HELZ: variants seen among roughly 807,000 people sequenced by gnomAD.
HELZ encodes the protein helicase with zinc finger, also known as ATP-dependent RNA helicase with zinc finger domain.
Under a neutral mutation model 218.2 loss-of-function variants are expected in HELZ, and 23 were observed. The observed-to-expected ratio is 0.11, with a 90% CI of 0.08 to 0.15. HELZ has a LOEUF of 0.15. HELZ is among the 10% of genes least tolerant of loss of function. The pLI is 1.00. For synonymous variants in HELZ, 814 were observed against 829.4 expected (o/e 0.98, Z 0.32); for missense variants, 1,813 against 2,353.7 (o/e 0.77, Z 4.75).
chr17:67,122,938 T>A (rs201529545), intron 26 of HELZ, 32 bp downstream of exon 26: 70 of 1,480,232 alleles, frequency 4.7e-5, no homozygotes, highest in Non-Finnish European at 6.4e-5. Context: ...TTTTACTTGA[T>A]TCAATAGAAA....
At chr17:67,244,028 A>T in intron 1 of HELZ, 189 bp from the exon 2 acceptor site, 1 of 974,546 alleles carries the variant, frequency 1.0e-6, no homozygotes, top group South Asian at 4.7e-5. Context: ...CAGTAAGGTA[A>T]AAGAATAGAT....
chr17:67,153,949 A>G (rs1267808130), intron 17 of HELZ, among the ~76,000 whole-genome samples: 4 of 152,266 alleles, frequency 2.6e-5, no homozygotes, highest in Non-Finnish European at 5.9e-5. Context: ...CTTAATTGGC[A>G]TGCCTTCAGT....
chr17:67,216,154 T>C (rs2040594607), intron 4 of HELZ, among the ~76,000 whole-genome samples: 1 of 152,152 alleles, frequency 6.6e-6, no homozygotes, highest in Non-Finnish European at 1.5e-5. Flanking sequence ...CCCCCACTCC[T>C]ACTTCTCACC....
intron 5 of HELZ, among the ~76,000 whole-genome samples, chr17:67,212,192 G>A (rs2040470093): frequency 3.3e-5 from 5 of 151,692 alleles, no homozygotes; most frequent in Admixed American, 1.3e-4. Flanking sequence ...ATGATGGCAG[G>A]TGCCTGCAAT....
At chr17:67,244,176 C>G (rs1273599227) in intron 1 of HELZ, among the ~76,000 whole-genome samples, 1 of 152,084 alleles carries the variant, frequency 6.6e-6, no homozygotes, top group Non-Finnish European at 1.5e-5. Context: ...AAATTAAGAA[C>G]AAACTAGGCA....
chr17:67,203,437 C>T lies in HELZ; in HGVS notation c.254G>A (p.Gly85Glu), dbSNP rs2143125455. ...QADEDCRHVLGEGLAKGEDAF... is the reference protein window; with the variant it reads ...QADEDCRHVLEEGLAKGEDAF... Reference sequence around the variant, plus strand: ...ATCTTCTCCCTTGGCCAGTCCTTCTCCCAGCACTGCCATGAAAGAACAGCC... The same window carrying T: ...ATCTTCTCCCTTGGCCAGTCCTTCTTCCAGCACTGCCATGAAAGAACAGCC... Residue 85 changes from glycine to glutamate, a missense_variant, in exon 6 of 33, where the codon GGA becomes GAA. Gly to Glu is a moderately conservative substitution (Grantham distance 98). Around this residue, in one of 4 missense-constraint regions of HELZ, gnomAD observed 714 missense variants for 1,029.2 expected, o/e 0.69. Transcript: ENST00000358691. 2 of 1,613,234 alleles carry T rather than the reference C, an allele frequency of 1.2e-6. No homozygotes were observed. Among genetic ancestry groups the T allele is most frequent in the East Asian group, 2.2e-5 (1 of 44,874 alleles).
At chr17:67,160,390 A>G (rs1195602668) in intron 16 of HELZ, 28 bp from the exon 17 acceptor site, 11 of 1,483,878 alleles carry the variant, frequency 7.4e-6, no homozygotes, top group Non-Finnish European at 1.0e-5. Context: ...GCAAATAAAA[A>G]GAATGATAAA....
intron 13 of HELZ, among the ~76,000 whole-genome samples, chr17:67,177,396 T>C (rs1030558486): frequency 3.3e-5 from 5 of 152,122 alleles, no homozygotes; most frequent in Admixed American, 1.3e-4. Flanking sequence ...TCTAAAGTAA[T>C]GGAATGATTT....
Position 67,120,499 on chromosome 17 carries a change from A to C in HELZ, c.3744T>G (p.Pro1248=). ...GGTGATGTCCAAGGCCATAAGGAAT[A>C]GGAGATCCTCGTCCATGTGTCTGTA... is the stretch of plus-strand genomic sequence containing the variant. The part of the protein sequence containing the change: ...NLLQTHGRGS[P]IPYGLGHHPP... The change falls in exon 27 of 33, where the codon CCT becomes CCG. Residue 1248 remains proline, a synonymous_variant. Transcript: ENST00000358691. 1.9e-6 allele frequency: 3 copies of C among 1,613,930 alleles called. No homozygotes were observed. Among genetic ancestry groups the C allele is most frequent in the Non-Finnish European group, 1.7e-6 (2 of 1,179,868 alleles).
At chr17:67,199,269 G>A (rs1402531633) in intron 7 of HELZ, among the ~76,000 whole-genome samples, 1 of 142,524 alleles carries the variant, frequency 7.0e-6, no homozygotes, top group Non-Finnish European at 1.5e-5. Context: ...CTGGAATACA[G>A]TGGTGCAATC....
chr17:67,220,565 C>T (rs1449282946), intron 3 of HELZ, among the ~76,000 whole-genome samples: 1 of 152,170 alleles, frequency 6.6e-6, no homozygotes, highest in Non-Finnish European at 1.5e-5. Flanking sequence ...TCACTGCAGC[C>T]TCGACTTGCC....
chr17:67,239,151 G>A (rs940366545), intron 3 of HELZ, among the ~76,000 whole-genome samples: 6 of 152,196 alleles, frequency 3.9e-5, no homozygotes, highest in Non-Finnish European at 5.9e-5. Flanking sequence ...CCAATAGCAC[G>A]CAGATAAGCT....
intron 11 of HELZ, 69 bp downstream of exon 11, chr17:67,189,520 T>A (rs1000944428): frequency 7.5e-6 from 7 of 930,006 alleles, no homozygotes; most frequent in East Asian, 2.4e-5. Context: ...ACACAGAGAT[T>A]CAAAGGTCAA....
At chr17:67,123,815 CTGTGTGTGTG>C (rs58616216) in intron 25 of HELZ, 138 bp downstream of exon 25, 9 of 534,964 alleles carry the variant, frequency 1.7e-5, no homozygotes, top group African/African-American at 6.2e-5. Context: ...TCCAAAGTGA[CTGTGTGTGTG>C]TGTGTGTGTG....
At chr17:67,127,691 A>C (rs1439201215) in intron 24 of HELZ, among the ~76,000 whole-genome samples, 1 of 152,120 alleles carries the variant, frequency 6.6e-6, no homozygotes, top group Non-Finnish European at 1.5e-5. Flanking sequence ...TACGAAAAAT[A>C]CAAAAGTTAG....
chr17:67,243,329 T>C (rs1197209137), intron 2 of HELZ, among the ~76,000 whole-genome samples: 1 of 152,208 alleles, frequency 6.6e-6, no homozygotes, highest in Non-Finnish European at 1.5e-5. Flanking sequence ...TTGACCTGCC[T>C]AATTCTTTCT....
At chr17:67,222,059 C>CTTA (rs2040761774) in intron 3 of HELZ, among the ~76,000 whole-genome samples, 1 of 151,964 alleles carries the variant, frequency 6.6e-6, no homozygotes. Context: ...CTAGCCTAGT[C>CTTA]TTAAACTCTT....
intron 4 of HELZ, among the ~76,000 whole-genome samples, chr17:67,218,155 A>G (rs2040654435): frequency 6.6e-6 from 1 of 152,002 alleles, no homozygotes; most frequent in African/African-American, 2.4e-5. Context: ...GGCCAACTCA[A>G]ACTCCTGACC....
rs551564711 is a variant in HELZ, at chr17:67,167,833, C to T, written c.1431-37G>A. On this transcript the variant is annotated intron_variant, in intron 13 of 32. Coordinates refer to ENST00000358691, the MANE Select transcript of HELZ (RefSeq NM_014877.4). ...GTAGAAAACTAGTTTGAATATTTTA[C>T]ATCAAAAATATATAAAAACTAGAAG... The T allele has an allele frequency of 5.2e-6, 7 of 1,335,248 alleles. No homozygotes were observed. In the East Asian group the frequency reaches 1.4e-4, roughly 27 times the overall value. The allele number at this position is 1,335,248 out of a possible 1,614,324, so 82.7% of individuals were successfully genotyped here.
Sources: allele counts gnomAD v4.1 joint callset (sites outside exome capture counted in the v4.1 genomes callset), GRCh38; gene constraint gnomAD v4.1.1; regional missense constraint gnomAD v4.1.1; transcripts MANE v1.5; gene names NCBI Gene and HGNC (gene_info 2026-07-23, HGNC 2026-07-21).